Variants in RAB11FIP5 observed in about 807,000 individuals in gnomAD.
The protein encoded by RAB11FIP5 is RAB11 family interacting protein 5.
RAB11FIP5 carries 48 observed loss-of-function variants against 85.1 expected under a neutral mutation model. The observed-to-expected ratio is 0.56, with a 90% CI of 0.45 to 0.72. The LOEUF is 0.72. RAB11FIP5 is among the 30% of genes least tolerant of loss of function. The pLI is 0.00. For synonymous variants in RAB11FIP5, 729 were observed against 727.3 expected (o/e 1.00, Z -0.04); for missense variants, 1,491 against 1,687.0 (o/e 0.88, Z 2.04).
chr2:73,088,270 T>C lies in RAB11FIP5; in HGVS notation c.1348A>G (p.Lys450Glu), dbSNP rs1684131145. The change falls in exon 3 of 6, where the codon AAG (lysine) becomes GAG (glutamate). Residue 450 changes from lysine (K) to glutamate (E), a missense_variant. By Grantham distance (56) the Lys-to-Glu change is moderately conservative. Transcript: ENST00000486777. ...IVASSEAVAE[K>E]EGARKEERKP... ...CGTTCCTCCTTCCGGGCTCCCTCCT[T>C]CTCTGCCACAGCCTCAGAGGAGGCC... 6.2e-7 allele frequency: 1 copy of C among 1,612,080 alleles called. No homozygotes were observed. The highest frequency in any genetic ancestry group is 8.5e-7 in the Non-Finnish European group (1 of 1,178,488).
At chr2:73,082,163 A>C (rs1285184141) in intron 3 of RAB11FIP5, among the ~76,000 whole-genome samples, 1 of 149,484 alleles carries the variant, frequency 6.7e-6, no homozygotes, top group Non-Finnish European at 1.5e-5. Context: ...AGTGTGTGCC[A>C]CCACACCTGA....
chr2:73,081,432 G>A lies in RAB11FIP5; in HGVS notation c.1800C>T (p.Leu600=). 1 of 1,232,992 alleles carries A rather than the reference G, an allele frequency of 8.1e-7. No individual in the cohort carries two copies. The highest frequency in any genetic ancestry group is 1.0e-6 in the Non-Finnish European group (1 of 988,376). 76.4% of individuals were successfully genotyped at this position (1,232,992 alleles called of 1,614,324 possible). The change falls in exon 4 of 6, where the codon CTC becomes CTT. Residue 600 remains leucine (L), a synonymous_variant. Coordinates refer to ENST00000486777, the MANE Select transcript of RAB11FIP5 (RefSeq NM_001371272.1). The surrounding 1 kb of genome is among the most constrained non-coding windows in gnomAD (Gnocchi z 4.2). The part of the protein sequence containing the change: ...PGLLGLTNPF[L]TSLQSNPFFE... ...AGAAGGGGTTGCTCTGCAAAGAGGT[G>A]AGGAACGGGTTGGTAAGACCCAATA...
Position 73,080,414 on chromosome 2 carries a change from T to C in RAB11FIP5, c.2818A>G (p.Ser940Gly). 6 of 1,233,252 alleles carry C rather than the reference T, an allele frequency of 4.9e-6. No homozygotes were observed. The highest frequency in any genetic ancestry group is 1.5e-5 in the African/African-American group (1 of 64,538). 76.4% of individuals were successfully genotyped at this position (1,233,252 alleles called of 1,614,324 possible). A position where few individuals can be genotyped will look rare whatever the true frequency, so the allele number is the denominator to read the frequency against. The change falls in exon 4 of 6, where the codon AGT becomes GGT. Residue 940 changes from serine to glycine, a missense_variant. Around this residue, in one of 3 missense-constraint regions of RAB11FIP5, gnomAD observed 1,211 missense variants for 1,338.0 expected, o/e 0.91. Transcript: ENST00000486777. ...PETEGEDASP[S>G]ALVVGPPETK... ...TCCGGGGGACCGACAACCAGTGCAC[T>C]TGGGGAGGCATCTTCTCCCTCTGTC...
In RAB11FIP5 at chr2:73,088,914, G is replaced by A. The variant is rs1684149579; in HGVS notation, c.833C>T (p.Ser278Leu). Residue 278 changes from serine to leucine, a missense_variant, in exon 2 of 6, where the codon TCA becomes TTA. Transcript: ENST00000486777. ...QGPGAELLTR[S>L]PSRSSWLSTE... Reference sequence around the variant, plus strand: ...GGACAGCCAGCTGCTACGGCTTGGTGAGCGGGTGAGGAGTTCGGCGCCAGG... The same window carrying A: ...GGACAGCCAGCTGCTACGGCTTGGTAAGCGGGTGAGGAGTTCGGCGCCAGG... 1.3e-6 allele frequency: 2 copies of A among 1,591,074 alleles called. No homozygotes were observed. The highest frequency in any genetic ancestry group is 2.3e-5 in the South Asian group (2 of 87,430).
At chr2:73,082,524 G>A (rs903101104) in intron 3 of RAB11FIP5, among the ~76,000 whole-genome samples, 9 of 152,190 alleles carry the variant, frequency 5.9e-5, no homozygotes, top group African/African-American at 2.2e-4. Context: ...AAGGTGTCTT[G>A]TTTCTTTGAG....
At chr2:73,079,229 C>T (rs1057474062) in intron 4 of RAB11FIP5, among the ~76,000 whole-genome samples, 6 of 152,154 alleles carry the variant, frequency 3.9e-5, no homozygotes, top group African/African-American at 1.2e-4. Context: ...TGCTCTGCCA[C>T]GGTCTGCCCC....
chr2:73,112,155 C>T (rs941187452), intron 1 of RAB11FIP5, among the ~76,000 whole-genome samples, 192 bp downstream of exon 1: 2 of 152,198 alleles, frequency 1.3e-5, no homozygotes, highest in African/African-American at 4.8e-5. Context: ...AGTGGCTGAG[C>T]CCCACACAGC....
chr2:73,112,301 C>CG (rs769641254), intron 1 of RAB11FIP5, 46 bp downstream of exon 1: 4 of 1,501,172 alleles, frequency 2.7e-6, no homozygotes, highest in Non-Finnish European at 3.5e-6. Flanking sequence ...CAGCCCCGCC[C>CG]TGTTAGGCCT....
rs2106108087 is a variant in RAB11FIP5 at position 73,086,239 on chromosome 2, C to G, written c.1568+1811G>C. Among the ~76,000 whole-genome samples, 1 of 152,332 alleles carries G rather than the reference C, an allele frequency of 6.6e-6. No homozygotes were observed. Among genetic ancestry groups the G allele is most frequent in the African/African-American group, 2.4e-5 (1 of 41,570 alleles). On this transcript the variant is annotated intron_variant, in intron 3 of 5. Coordinates refer to ENST00000486777, the MANE Select transcript of RAB11FIP5 (RefSeq NM_001371272.1). The surrounding 1 kb of genome is among the most constrained non-coding windows in gnomAD (Gnocchi z 4.4). ...CTGCAGCCGCCACCTGCAAATAGGC[C>G]CCATCTTGGGAGGGATGCTGAGTGC...
chr2:73,081,051 G>A lies in RAB11FIP5; in HGVS notation c.2181C>T (p.Asp727=), dbSNP rs1683967618. The A allele has an allele frequency of 8.1e-7, 1 of 1,232,866 alleles. No homozygotes were observed. Among genetic ancestry groups the A allele is most frequent in the Non-Finnish European group, 1.0e-6 (1 of 988,612 alleles). 76.4% of individuals were successfully genotyped at this position (1,232,866 alleles called of 1,614,324 possible). A position where few individuals can be genotyped will look rare whatever the true frequency, so the allele number is the denominator to read the frequency against. The change falls in exon 4 of 6, where the codon GAC becomes GAT. Residue 727 remains aspartate, a synonymous_variant. Coordinates refer to ENST00000486777, the MANE Select transcript of RAB11FIP5 (RefSeq NM_001371272.1). This position sits in a 1 kb window ranked among gnomAD's most constrained non-coding sequence, Gnocchi z 4.2. ...TCGCGCTCTGGTGGTTCGGTCCCAA[G>A]TCCAGAGGAACCCTGGGCTCCAGCC... ...SVWLEPRVPL[D]LGPNHQSASA...
chr2:73,085,892 G>A (rs1684083469), intron 3 of RAB11FIP5, among the ~76,000 whole-genome samples: 1 of 152,072 alleles, frequency 6.6e-6, no homozygotes, highest in South Asian at 2.1e-4. Flanking sequence ...CCATTCTCTG[G>A]ACCTGGGGAC....
In RAB11FIP5 at chr2:73,090,079, C is replaced by G. The variant is rs6761922; in HGVS notation, c.432-764G>C. Among the ~76,000 whole-genome samples, 209 of 152,284 alleles carry G rather than the reference C, an allele frequency of 1.4e-3. 2 individuals are homozygous for G. The highest frequency in any genetic ancestry group is 4.7e-3 in the African/African-American group (197 of 41,552). On this transcript the variant is annotated intron_variant, in intron 1 of 5. Coordinates refer to ENST00000486777, the MANE Select transcript of RAB11FIP5 (RefSeq NM_001371272.1). ...CCAGCATGAGGGTTCTTACCTCACTCCCGCACATACCTCCCAAAAAGCATA... is the reference window on the plus strand; with the variant it reads ...CCAGCATGAGGGTTCTTACCTCACTGCCGCACATACCTCCCAAAAAGCATA...
In RAB11FIP5 at chr2:73,074,693, C is replaced by A; in HGVS notation, c.*828G>T. ...CATCTGGACAGGCAACAAGAATAGA[C>A]ATGGAGGCTTGATCCCCAAATCATA... On this transcript the variant is annotated 3_prime_UTR_variant, in exon 6 of 6. Transcript: ENST00000486777. 6.2e-6 allele frequency: 1 copy of A among 160,374 alleles called. No individual in the cohort carries two copies. The highest frequency in any genetic ancestry group is 5.7e-5 in the Admixed American group (1 of 17,456). The allele number at this position is 160,374 out of a possible 1,614,324, so 9.9% of individuals were successfully genotyped here. A position where few individuals can be genotyped will look rare whatever the true frequency, so the allele number is the denominator to read the frequency against.
At chr2:73,106,043 C>T (rs923376104) in intron 1 of RAB11FIP5, among the ~76,000 whole-genome samples, 2 of 152,122 alleles carry the variant, frequency 1.3e-5, no homozygotes, top group Non-Finnish European at 2.9e-5. Context: ...TGGAGCCAGA[C>T]CCTGACCCCA....
chr2:73,076,827 C>G (rs1683872994), intron 4 of RAB11FIP5, among the ~76,000 whole-genome samples: 1 of 152,196 alleles, frequency 6.6e-6, no homozygotes, highest in African/African-American at 2.4e-5. Flanking sequence ...TGTATAATTT[C>G]TTACCTTTCA....
At chr2:73,079,028 G>A (rs1003435591) in intron 4 of RAB11FIP5, among the ~76,000 whole-genome samples, 5 of 152,216 alleles carry the variant, frequency 3.3e-5, no homozygotes, top group Admixed American at 6.5e-5. Flanking sequence ...TGAAGCAACT[G>A]CTGCGCGTGG....
At position 73,075,747 on chromosome 2, in the gene RAB11FIP5, G is replaced by C. The variant is rs980417823; in HGVS notation, c.3772-23C>G. On this transcript the variant is annotated intron_variant, in intron 5 of 5. Coordinates refer to ENST00000486777, the MANE Select transcript of RAB11FIP5 (RefSeq NM_001371272.1). The surrounding 1 kb of genome is among the most constrained non-coding windows in gnomAD (Gnocchi z 4.6). ...GTCCTGAGGCCGGACCGAAGACAGT[G>C]AGCAGGGCAGCCCTAGGCCTGCCTG... 1.3e-6 allele frequency: 2 copies of C among 1,572,932 alleles called. No homozygotes were observed. Among genetic ancestry groups the C allele is most frequent in the African/African-American group, 1.4e-5 (1 of 73,898 alleles).
intron 1 of RAB11FIP5, among the ~76,000 whole-genome samples, chr2:73,103,187 C>T (rs1438089111): frequency 1.3e-5 from 2 of 152,270 alleles, no homozygotes; most frequent in South Asian, 4.1e-4. Context: ...CAGGATACAG[C>T]CTCTTATCAG....
chr2:73,089,494 C>T lies in RAB11FIP5; in HGVS notation c.432-179G>A, dbSNP rs769368312. On this transcript the variant is annotated intron_variant, in intron 1 of 5. Coordinates refer to ENST00000486777, the MANE Select transcript of RAB11FIP5 (RefSeq NM_001371272.1). The surrounding 1 kb of genome is among the most constrained non-coding windows in gnomAD (Gnocchi z 4.6). Reference sequence around the variant, plus strand: ...CCAGGCTTCAGATGCAGCTGAGAAACTATCCAAAACATTTCCATGATGGAG... The same window carrying T: ...CCAGGCTTCAGATGCAGCTGAGAAATTATCCAAAACATTTCCATGATGGAG... 1.8e-5 allele frequency: 13 copies of T among 715,100 alleles called. No homozygotes were observed. Among genetic ancestry groups the T allele is most frequent in the African/African-American group, 3.5e-5 (2 of 56,724 alleles). The allele number at this position is 715,100 out of a possible 1,614,324, so 44.3% of individuals were successfully genotyped here. A position where few individuals can be genotyped will look rare whatever the true frequency, so the allele number is the denominator to read the frequency against.
Sources: allele counts gnomAD v4.1 joint callset (sites outside exome capture counted in the v4.1 genomes callset), GRCh38; gene constraint gnomAD v4.1.1; regional missense constraint gnomAD v4.1.1; non-coding constraint Gnocchi (gnomAD v3.1); transcripts MANE v1.5; gene names NCBI Gene and HGNC (gene_info 2026-07-23, HGNC 2026-07-21).